Variants in MYH6 observed in about 807,000 individuals in gnomAD.
MYH6 encodes myosin-6.
MYH6 carries 126 observed loss-of-function variants against 223.2 expected under a neutral mutation model. The observed-to-expected ratio is 0.56, with a 90% CI of 0.49 to 0.65. MYH6 has a LOEUF of 0.65. Ranked by LOEUF, MYH6 falls within the 30% of genes least tolerant of loss-of-function variation. The pLI, the probability that MYH6 is intolerant of heterozygous loss-of-function variation, is 0.00. For synonymous variants in MYH6, 978 were observed against 1,010.2 expected, an observed-to-expected ratio of 0.97 and a Z score of 0.61; for missense variants, 2,040 against 2,536.4, an observed-to-expected ratio of 0.80 and a Z score of 4.20.
At position 23,393,643 on chromosome 14, in the gene MYH6, A is replaced by T. The variant is rs766550136; in HGVS notation, c.2928+23T>A. On this transcript the variant is annotated intron_variant, in intron 22 of 38. Transcript: ENST00000405093. ...GGGAGTCTTGAGGAGACCTGGGCTG[A>T]AGCCAGAGGGAGCTGCCCTCACCTT... 6.2e-6 allele frequency: 10 copies of T among 1,614,162 alleles called. No homozygotes were observed. In the Admixed American group the frequency reaches 1.7e-4, roughly 27 times the overall value.
chr14:23,388,909 G>T lies in MYH6; in HGVS notation c.4125C>A (p.Thr1375=). The change falls in exon 29 of 39, where the codon ACC becomes ACA. Residue 1375 remains threonine (T), a synonymous_variant. Transcript: ENST00000405093. ...KANSEVAQWR[T]KYETDAIQRT... is the part of the protein sequence containing the mutation. Reference sequence around the variant, plus strand: ...GCTGAATGGCGTCCGTCTCATACTTGGTCCTCCACTGGGCCACCTCCGAGT... The same window carrying T: ...GCTGAATGGCGTCCGTCTCATACTTTGTCCTCCACTGGGCCACCTCCGAGT... 6.2e-7 allele frequency: 1 copy of T among 1,613,752 alleles called. No homozygotes were observed. Among genetic ancestry groups the T allele is most frequent in the Non-Finnish European group, 8.5e-7 (1 of 1,180,042 alleles).
chr14:23,406,772 G>A (rs758739068), intron 3 of MYH6, among the ~76,000 whole-genome samples: 2 of 152,180 alleles, frequency 1.3e-5, no homozygotes. Context: ...CCTCTTAGGC[G>A]AACACTGAGG....
chr14:23,405,514 A>C lies in MYH6; in HGVS notation c.345+113T>G. On this transcript the variant is annotated intron_variant, in intron 4 of 38. Transcript: ENST00000405093. The surrounding 1 kb of genome is among the most constrained non-coding windows in gnomAD (Gnocchi z 4.7). ...CAGCTGACTAGGGGTGGAGGGGGGA[A>C]GGGGACTTGGGTCCCTTGGGAGTCT... The C allele has an allele frequency of 6.3e-7, 1 of 1,596,276 alleles. No individual in the cohort carries two copies. The highest frequency in any genetic ancestry group is 2.2e-5 in the East Asian group (1 of 44,482).
At position 23,398,848 on chromosome 14, in the gene MYH6, T is replaced by C. The variant is rs1402004251; in HGVS notation, c.1771A>G (p.Ile591Val). 3.1e-6 allele frequency: 5 copies of C among 1,613,994 alleles called. No homozygotes were observed. Among genetic ancestry groups the C allele is most frequent in the Non-Finnish European group, 4.2e-6 (5 of 1,180,014 alleles). ...TTGTTTTTTTCCAGCCAGCCCAGGATGTTGTAGTCCACAGTGCCGGCGTAG... is the reference window on the plus strand; with the variant it reads ...TTGTTTTTTTCCAGCCAGCCCAGGACGTTGTAGTCCACAGTGCCGGCGTAG... ...IHYAGTVDYN[I>V]LGWLEKNKDP... Residue 591 changes from isoleucine to valine, a missense_variant, in exon 15 of 39, where the codon ATC (isoleucine) becomes GTC (valine). By Grantham distance (29) the Ile-to-Val change is conservative (BLOSUM62 3). Transcript: ENST00000405093.
chr14:23,394,373 C>T (rs1273819058), intron 20 of MYH6, 50 bp from the exon 21 acceptor site: 1 of 1,611,444 alleles, frequency 6.2e-7, no homozygotes, highest in East Asian at 2.2e-5. Context: ...AGAGAGCTTC[C>T]CAATCATGGG....
Position 23,402,447 on chromosome 14 carries a change from C to T in MYH6, c.1141+17G>A, listed in dbSNP as rs113722761. On this transcript the variant is annotated intron_variant, in intron 12 of 38. Transcript: ENST00000405093. Reference sequence around the variant, plus strand: ...GCACCTCAGGCCTTCCCAGGGCTGCCTGCCTGCCCCTCCCACCTTCGGTGC... The same window carrying T: ...GCACCTCAGGCCTTCCCAGGGCTGCTTGCCTGCCCCTCCCACCTTCGGTGC... The T allele has an allele frequency of 1.2e-5, 19 of 1,612,186 alleles. No homozygotes were observed. The highest frequency in any genetic ancestry group is 1.1e-4 in the African/African-American group (8 of 74,928).
intron 7 of MYH6, 27 bp from the exon 8 acceptor site, chr14:23,404,415 T>C (rs1162204078): frequency 4.3e-6 from 7 of 1,611,824 alleles, no homozygotes; most frequent in South Asian, 2.2e-5. Context: ...ACTGCATGGG[T>C]TCATCCTCCA....
At chr14:23,389,803 G>A (rs1891175743) in intron 26 of MYH6, 84 bp from the exon 27 acceptor site, 2 of 1,606,658 alleles carry the variant, frequency 1.2e-6, no homozygotes, top group Non-Finnish European at 1.7e-6. Context: ...GATGGGGAAT[G>A]CCAGAGGGCA....
rs1416003742 is a variant in MYH6, at chr14:23,405,309, A to G, written c.416T>C (p.Val139Ala). 2.5e-6 allele frequency: 4 copies of G among 1,614,140 alleles called. No individual in the cohort carries two copies. In the East Asian group the frequency reaches 6.7e-5, roughly 27 times the overall value. ...CCTCTTCTTGCCCCGGTAGGCGGCC[A>G]CCACCTCGGCATTGTACACCGGCAG... is the stretch of plus-strand genomic sequence containing the variant. ...KWLPVYNAEV[V>A]AAYRGKKRSE... Residue 139 changes from valine (V) to alanine (A), a missense_variant, in exon 5 of 39, where the codon GTG becomes GCG. Transcript: ENST00000405093. The surrounding 1 kb of genome is among the most constrained non-coding windows in gnomAD (Gnocchi z 4.7).
chr14:23,404,347 C>T lies in MYH6; in HGVS notation c.684G>A (p.Leu228=), dbSNP rs1471586498. The stretch of plus-strand genomic sequence containing the variant: ...CAGTCTTGGCATTGCCGAAGGCCTC[C>T]AGAGCGGGGTTGGCCTGGATGATCT... ...EDQIIQANPA[L]EAFGNAKTVR... Residue 228 remains leucine (L), a synonymous_variant, in exon 8 of 39, where the codon CTG becomes CTA. Transcript: ENST00000405093. 6.2e-7 allele frequency: 1 copy of T among 1,614,238 alleles called. No homozygotes were observed. Among genetic ancestry groups the T allele is most frequent in the Non-Finnish European group, 8.5e-7 (1 of 1,180,036 alleles).
In MYH6 at chr14:23,382,023, A is replaced by T; in HGVS notation, c.*17T>A. 1 of 1,614,134 alleles carries T rather than the reference A, an allele frequency of 6.2e-7. No individual in the cohort carries two copies. Among genetic ancestry groups the T allele is most frequent in the Non-Finnish European group, 8.5e-7 (1 of 1,180,024 alleles). ...TATTTATTACAGGTTGGCAAGAGTG[A>T]GGTTCCCGAGGCAGTGTCACTCCTC... On this transcript the variant is annotated 3_prime_UTR_variant, in exon 39 of 39. Coordinates refer to ENST00000405093, the MANE Select transcript of MYH6 (RefSeq NM_002471.4).
chr14:23,396,687 G>T lies in MYH6; in HGVS notation c.2292+7C>A, dbSNP rs753444859. The T allele has an allele frequency of 3.9e-5, 63 of 1,614,002 alleles. No homozygotes were observed. The highest frequency in any genetic ancestry group is 5.1e-5 in the Non-Finnish European group (60 of 1,179,878). ...CCTGCAACCACCCAGTGGGGCTCTA[G>T]ACTCACCTTGGTGTGGCCAAACTTG... is the stretch of plus-strand genomic sequence containing the variant. On this transcript the variant is annotated splice_region_variant and intron_variant, in intron 19 of 38. Transcript: ENST00000405093.
rs1595061863 is a variant in MYH6, at chr14:23,400,949, C to A, written c.1170G>T (p.Gly390=). The A allele has an allele frequency of 2.5e-6, 4 of 1,614,184 alleles. No homozygotes were observed. Among genetic ancestry groups the A allele is most frequent in the Non-Finnish European group, 3.4e-6 (4 of 1,180,026 alleles). The change falls in exon 13 of 39, where the codon GGG becomes GGT. Residue 390 remains glycine, a synonymous_variant. Coordinates refer to ENST00000405093, the MANE Select transcript of MYH6 (RefSeq NM_002471.4). ...EDADKSAYLM[G]LNSADLLKGL... is the part of the protein sequence containing the mutation. ...CCTTGAGCAGGTCAGCTGAGTTCAG[C>A]CCCATGAGGTAGGCCGACTTGTCAG...
intron 14 of MYH6, chr14:23,399,694 G>A: frequency 5.1e-6 from 1 of 195,558 alleles, no homozygotes; most frequent in Middle Eastern, 2.2e-3. Context: ...TCTGGATAAT[G>A]ACCCAAAGCA....
intron 25 of MYH6, 51 bp from the exon 26 acceptor site, chr14:23,390,497 A>G (rs1566508635): frequency 6.3e-7 from 1 of 1,596,284 alleles, no homozygotes; most frequent in Non-Finnish European, 8.5e-7. Flanking sequence ...CCTCCACTGG[A>G]ATCCCCCCGG....
intron 30 of MYH6, 63 bp downstream of exon 30, chr14:23,388,092 C>G: frequency 4.3e-6 from 7 of 1,611,596 alleles, no homozygotes; most frequent in Non-Finnish European, 5.9e-6. Flanking sequence ...CCTTTGGCCT[C>G]TCACTGAACC....
In MYH6 at chr14:23,383,339, G is replaced by GGGGGGGGGGGGGGCCCCCCCCCCCCCC; in HGVS notation, c.5566-20_5566-19insGGGGGGGGGGGGGGCCCCCCCCCCCCC. 9.2e-6 allele frequency: 1 copy of GGGGGGGGGGGGGGCCCCCCCCCCCCCC among 108,198 alleles called. No individual in the cohort carries two copies. Among genetic ancestry groups the GGGGGGGGGGGGGGCCCCCCCCCCCCCC allele is most frequent in the East Asian group, 2.3e-4 (1 of 4,410 alleles). The allele number at this position is 108,198 out of a possible 1,614,324, so 6.7% of individuals were successfully genotyped here. A position where few individuals can be genotyped will look rare whatever the true frequency, so the allele number is the denominator to read the frequency against. On this transcript the variant is annotated intron_variant, in intron 36 of 38. Transcript: ENST00000405093. ...CCTCTGTCTGGGGGTGGGAGGGTGG[G>GGGGGGGGGGGGGGCCCCCCCCCCCCCC]AGAAGCTGGTTTGGAGGGGGAGCAA...
chr14:23,396,114 A>AAAAG (rs1555334147), intron 20 of MYH6, among the ~76,000 whole-genome samples, 170 bp downstream of exon 20: 49 of 144,738 alleles, frequency 3.4e-4, no homozygotes, highest in African/African-American at 1.1e-3. Flanking sequence ...AAAAAAAAAA[A>AAAAG]AAGAAGAAGA....
chr14:23,397,985 C>G (rs1048660498), intron 15 of MYH6, among the ~76,000 whole-genome samples: 1 of 142,052 alleles, frequency 7.0e-6, no homozygotes, highest in Non-Finnish European at 1.5e-5. Flanking sequence ...TCTTCTTCTT[C>G]TTCTTCTTCT....
Sources: gnomAD v4.1 joint callset for allele counts (sites outside exome capture counted in the v4.1 genomes callset) on GRCh38, gnomAD v4.1.1 for gene constraint, Gnocchi (gnomAD v3.1) non-coding constraint, MANE v1.5 for transcripts, NCBI Gene and HGNC (gene_info 2026-07-23, HGNC 2026-07-21) for gene names.